Variants in KCNQ1 observed in about 807,000 individuals in gnomAD.
The protein encoded by KCNQ1 is potassium voltage-gated channel subfamily KQT member 1.
In KCNQ1, 49 loss-of-function variants were observed where a neutral mutation model predicts 72.4. The observed-to-expected ratio is 0.68, with a 90% CI of 0.54 to 0.86. The LOEUF (loss-of-function observed/expected upper bound fraction) is 0.86, where lower values mean the gene tolerates loss of function less well. Ranked by LOEUF, KCNQ1 falls within the 40% of genes least tolerant of loss-of-function variation. The pLI is 0.00. For synonymous variants in KCNQ1, 450 were observed against 412.6 expected (o/e 1.09, Z -1.10); for missense variants, 790 against 945.1 (o/e 0.84, Z 2.15).
rs926473478 is a variant in KCNQ1 at position 2,447,981 on chromosome 11, A to G, written c.386+2497A>G. Among the ~76,000 whole-genome samples, 8 of 152,144 alleles carry G rather than the reference A, an allele frequency of 5.3e-5. No individual in the cohort carries two copies. The highest frequency in any genetic ancestry group is 1.9e-4 in the African/African-American group (8 of 41,424). The stretch of plus-strand genomic sequence containing the variant: ...GGCCTCCCTGGGCTGGCCGGGGTGG[A>G]CACGGCACCTGGGCCACAACTCTTG... On this transcript the variant is annotated intron_variant, in intron 1 of 15. Transcript: ENST00000155840. This position sits in a 1 kb window ranked among gnomAD's most constrained non-coding sequence, Gnocchi z 7.6.
At position 2,679,422 on chromosome 11, in the gene KCNQ1, T is replaced by C; in HGVS notation, c.1514+17341T>C. 1 of 398,632 alleles carries C rather than the reference T, an allele frequency of 2.5e-6. No homozygotes were observed. The highest frequency in any genetic ancestry group is 3.6e-5 in the East Asian group (1 of 28,084). The allele number at this position is 398,632 out of a possible 1,614,324, so 24.7% of individuals were successfully genotyped here. A position where few individuals can be genotyped will look rare whatever the true frequency, so the allele number is the denominator to read the frequency against. The stretch of plus-strand genomic sequence containing the variant: ...AATGGGAATCATAAGAGTACCTTCC[T>C]CAGAGGGTTGTTAGGAGGATTACAC... On this transcript the variant is annotated intron_variant, in intron 11 of 15. Coordinates refer to ENST00000155840, the MANE Select transcript of KCNQ1 (RefSeq NM_000218.3). This position sits in a 1 kb window ranked among gnomAD's most constrained non-coding sequence, Gnocchi z 4.8.
Position 2,848,529 on chromosome 11 carries a change from T to A in KCNQ1, c.*526T>A. 1 of 454,598 alleles carries A rather than the reference T, an allele frequency of 2.2e-6. No individual in the cohort carries two copies. The highest frequency in any genetic ancestry group is 4.4e-6 in the Non-Finnish European group (1 of 227,050). The allele number at this position is 454,598 out of a possible 1,614,324, so 28.2% of individuals were successfully genotyped here. Reference sequence around the variant, plus strand: ...CCCATTTGGAGGGCCTGGGCCTGGCTCCCTCACTCTCAGGAAATGCTGACC... The same window carrying A: ...CCCATTTGGAGGGCCTGGGCCTGGCACCCTCACTCTCAGGAAATGCTGACC... On this transcript the variant is annotated 3_prime_UTR_variant, in exon 16 of 16. Transcript: ENST00000155840.
At position 2,663,838 on chromosome 11, in the gene KCNQ1, G is replaced by A; in HGVS notation, c.1514+1757G>A. 2.5e-6 allele frequency: 1 copy of A among 398,718 alleles called. No homozygotes were observed. Among genetic ancestry groups the A allele is most frequent in the African/African-American group, 2.1e-5 (1 of 48,764 alleles). 24.7% of individuals were successfully genotyped at this position (398,718 alleles called of 1,614,324 possible). On this transcript the variant is annotated intron_variant, in intron 11 of 15. Transcript: ENST00000155840. The surrounding 1 kb of genome is among the most constrained non-coding windows in gnomAD (Gnocchi z 5.2). ...GCTGCCAGTGCTGGTATCAGCACATGCCAAGCTCCCTGGAGCCAGAGGTTA... is the reference window on the plus strand; with the variant it reads ...GCTGCCAGTGCTGGTATCAGCACATACCAAGCTCCCTGGAGCCAGAGGTTA...
chr11:2,485,432 C>G (rs1313733763), intron 1 of KCNQ1, among the ~76,000 whole-genome samples: 1 of 151,062 alleles, frequency 6.6e-6, no homozygotes, highest in East Asian at 2.0e-4. Flanking sequence ...GCCTCTCGCA[C>G]AGATGAGAAA....
Position 2,720,228 on chromosome 11 carries a change from A to G in KCNQ1, c.1515-48616A>G, listed in dbSNP as rs1851179314. Among the ~76,000 whole-genome samples the G allele has an allele frequency of 2.6e-5, 4 of 152,314 alleles. No individual in the cohort carries two copies. The South Asian group carries it at 8.3e-4, about 32-fold the overall frequency. Reference sequence around the variant, plus strand: ...GGATGTGTAAAGAATCGAGAAGCCAAGTGCCCTTGCCATTTGTTATCTTTA... The same window carrying G: ...GGATGTGTAAAGAATCGAGAAGCCAGGTGCCCTTGCCATTTGTTATCTTTA... On this transcript the variant is annotated intron_variant, in intron 11 of 15. Coordinates refer to ENST00000155840, the MANE Select transcript of KCNQ1 (RefSeq NM_000218.3). This position sits in a 1 kb window ranked among gnomAD's most constrained non-coding sequence, Gnocchi z 5.1.
chr11:2,566,682 G>A lies in KCNQ1; in HGVS notation c.478-3946G>A, dbSNP rs955450333. Among the ~76,000 whole-genome samples, 11 of 152,078 alleles carry A rather than the reference G, an allele frequency of 7.2e-5. No homozygotes were observed. The highest frequency in any genetic ancestry group is 2.7e-4 in the African/African-American group (11 of 41,396). Reference sequence around the variant, plus strand: ...TGTGGTCTCAGTGGAGACCAAGGACGGCTCTTCTTCTCGTATCTACGGGGC... The same window carrying A: ...TGTGGTCTCAGTGGAGACCAAGGACAGCTCTTCTTCTCGTATCTACGGGGC... On this transcript the variant is annotated intron_variant, in intron 2 of 15. Coordinates refer to ENST00000155840, the MANE Select transcript of KCNQ1 (RefSeq NM_000218.3). The surrounding 1 kb of genome is among the most constrained non-coding windows in gnomAD (Gnocchi z 6.7).
Position 2,491,499 on chromosome 11 carries a change from G to T in KCNQ1, c.387-36429G>T, listed in dbSNP as rs879269694. On this transcript the variant is annotated intron_variant, in intron 1 of 15. Transcript: ENST00000155840. This position sits in a 1 kb window ranked among gnomAD's most constrained non-coding sequence, Gnocchi z 4.1. ...AACAGCATTGATCAAGAACAAAAAA[G>T]AATTAGTAAGCTTGAAGACAGGATA... Among the ~76,000 whole-genome samples, 1 of 152,128 alleles carries T rather than the reference G, an allele frequency of 6.6e-6. No homozygotes were observed. Among genetic ancestry groups the T allele is most frequent in the Non-Finnish European group, 1.5e-5 (1 of 68,014 alleles).
In KCNQ1 at chr11:2,784,500, C is replaced by A. The variant is rs1366837496; in HGVS notation, c.1794+6463C>A. 2.6e-5 allele frequency among the ~76,000 whole-genome samples: 4 copies of A among 151,764 alleles called. No homozygotes were observed. Among genetic ancestry groups the A allele is most frequent in the African/African-American group, 4.8e-5 (2 of 41,394 alleles). On this transcript the variant is annotated intron_variant, in intron 15 of 15. Transcript: ENST00000155840. This position sits in a 1 kb window ranked among gnomAD's most constrained non-coding sequence, Gnocchi z 4.7. Reference sequence around the variant, plus strand: ...TTGTTCATCTTTTTACAAATTGTTTCTGTCTATTCTAAGTCCTATGAATTT... The same window carrying A: ...TTGTTCATCTTTTTACAAATTGTTTATGTCTATTCTAAGTCCTATGAATTT...
rs952358369 is a variant in KCNQ1, at chr11:2,547,912, G to A, written c.477+19894G>A. On this transcript the variant is annotated intron_variant, in intron 2 of 15. Transcript: ENST00000155840. The surrounding 1 kb of genome is among the most constrained non-coding windows in gnomAD (Gnocchi z 4.2). ...GCACGTGCCAAGACCCGGATGGGGCGTGTGCCTGGCGCGGGTGGAGGGAGC... is the reference window on the plus strand; with the variant it reads ...GCACGTGCCAAGACCCGGATGGGGCATGTGCCTGGCGCGGGTGGAGGGAGC... Among the ~76,000 whole-genome samples, 6 of 152,364 alleles carry A rather than the reference G, an allele frequency of 3.9e-5. No individual in the cohort carries two copies. The highest frequency in any genetic ancestry group is 2.6e-4 in the Admixed American group (4 of 15,310).
At chr11:2,467,743 C>T (rs965555046) in intron 1 of KCNQ1, among the ~76,000 whole-genome samples, 5 of 152,198 alleles carry the variant, frequency 3.3e-5, no homozygotes, top group Non-Finnish European at 7.4e-5. Flanking sequence ...AGCAGGCGTG[C>T]GTCTTGCAAT....
chr11:2,539,506 G>A (rs982478318), intron 2 of KCNQ1, among the ~76,000 whole-genome samples: 2 of 152,320 alleles, frequency 1.3e-5, no homozygotes, highest in East Asian at 1.9e-4. Flanking sequence ...GACCCTGTGC[G>A]GACTCCACCG....
At position 2,815,861 on chromosome 11, in the gene KCNQ1, G is replaced by T. The variant is rs369916623; in HGVS notation, c.1795-31906G>T. Among the ~76,000 whole-genome samples the T allele has an allele frequency of 6.6e-6, 1 of 152,188 alleles. No individual in the cohort carries two copies. Among genetic ancestry groups the T allele is most frequent in the African/African-American group, 2.4e-5 (1 of 41,440 alleles). On this transcript the variant is annotated intron_variant, in intron 15 of 15. Coordinates refer to ENST00000155840, the MANE Select transcript of KCNQ1 (RefSeq NM_000218.3). This position sits in a 1 kb window ranked among gnomAD's most constrained non-coding sequence, Gnocchi z 5.4. ...CTCACCCAAGGCAAGTTGCTCAGGG[G>T]GTCTCCAGGCTGTATCTAACAGCTG...
At chr11:2,706,130 A>T (rs1348271414) in intron 11 of KCNQ1, among the ~76,000 whole-genome samples, 29 of 152,328 alleles carry the variant, frequency 1.9e-4, no homozygotes. Context: ...GCCTTTGACA[A>T]TCCGTTCTTC....
rs891513584 is a variant in KCNQ1, at chr11:2,674,296, T to C, written c.1514+12215T>C. On this transcript the variant is annotated intron_variant, in intron 11 of 15. Coordinates refer to ENST00000155840, the MANE Select transcript of KCNQ1 (RefSeq NM_000218.3). This position sits in a 1 kb window ranked among gnomAD's most constrained non-coding sequence, Gnocchi z 5.9. ...CACACACTAGGACCTTTCTTCATCA[T>C]GCAGCCGTAGAGCTGGAGGCCAAGG... The C allele has an allele frequency of 2.5e-6, 1 of 398,618 alleles. No homozygotes were observed. Among genetic ancestry groups the C allele is most frequent in the Non-Finnish European group, 4.4e-6 (1 of 226,110 alleles). 24.7% of individuals were successfully genotyped at this position (398,618 alleles called of 1,614,324 possible). A position where few individuals can be genotyped will look rare whatever the true frequency, so the allele number is the denominator to read the frequency against.
rs1354658082 is a variant in KCNQ1, at chr11:2,544,276, ATATG to A, written c.477+16260_477+16263del. Among the ~76,000 whole-genome samples the A allele has an allele frequency of 0.03, 3,753 of 127,112 alleles. 90 individuals are homozygous for A. Among genetic ancestry groups the A allele is most frequent in the Admixed American group, 0.055 (714 of 13,058 alleles). 83.4% of individuals were successfully genotyped at this position (127,112 alleles called of 152,430 possible). A position where few individuals can be genotyped will look rare whatever the true frequency, so the allele number is the denominator to read the frequency against. ...TATATATATGTGTGTGTGTGTATAT[ATATG>A]TGTATATATATATGTATATATGTGT... On this transcript the variant is annotated intron_variant, in intron 2 of 15. Transcript: ENST00000155840. This position sits in a 1 kb window ranked among gnomAD's most constrained non-coding sequence, Gnocchi z 4.4.
At chr11:2,649,229 G>T (rs187098462) in intron 10 of KCNQ1, 2 of 397,964 alleles carry the variant, frequency 5.0e-6, no homozygotes, top group Non-Finnish European at 4.4e-6. Context: ...TTATCAATAG[G>T]TGAGGACTTA....
At chr11:2,675,642 G>C (rs563624111) in intron 11 of KCNQ1, 2 of 398,622 alleles carry the variant, frequency 5.0e-6, no homozygotes, top group African/African-American at 4.1e-5. Flanking sequence ...GAGGGTGGTT[G>C]GGCTCTCTAG....
In KCNQ1 at chr11:2,626,495, A is replaced by G; in HGVS notation, c.1394-35466A>G. On this transcript the variant is annotated intron_variant, in intron 10 of 15. Transcript: ENST00000155840. This position sits in a 1 kb window ranked among gnomAD's most constrained non-coding sequence, Gnocchi z 4.0. ...GTCTCTACATCTTTATGTCAATACCACATAGTTTTGATTACTGTAGCTTCG... is the reference window on the plus strand; with the variant it reads ...GTCTCTACATCTTTATGTCAATACCGCATAGTTTTGATTACTGTAGCTTCG... 5.0e-6 allele frequency: 2 copies of G among 398,568 alleles called. No homozygotes were observed. Among genetic ancestry groups the G allele is most frequent in the East Asian group, 7.1e-5 (2 of 28,068 alleles). The allele number at this position is 398,568 out of a possible 1,614,324, so 24.7% of individuals were successfully genotyped here.
Position 2,598,421 on chromosome 11 carries a change from T to C in KCNQ1, c.1393+9567T>C, listed in dbSNP as rs2133773373. On this transcript the variant is annotated intron_variant, in intron 10 of 15. Coordinates refer to ENST00000155840, the MANE Select transcript of KCNQ1 (RefSeq NM_000218.3). The surrounding 1 kb of genome is among the most constrained non-coding windows in gnomAD (Gnocchi z 6.2). ...CTCCACTTTTTTTAAAATGAAGATT[T>C]TCTTTGTCTCCAAGTATGAAAATAA... is the stretch of plus-strand genomic sequence containing the variant. Among the ~76,000 whole-genome samples, 1 of 152,314 alleles carries C rather than the reference T, an allele frequency of 6.6e-6. No homozygotes were observed. Among genetic ancestry groups the C allele is most frequent in the South Asian group, 2.1e-4 (1 of 4,828 alleles).
Sources: allele counts gnomAD v4.1 joint callset (sites outside exome capture counted in the v4.1 genomes callset), GRCh38; gene constraint gnomAD v4.1.1; non-coding constraint Gnocchi (gnomAD v3.1); transcripts MANE v1.5; gene names NCBI Gene and HGNC (gene_info 2026-07-23, HGNC 2026-07-21).